Variants in GABRB1 observed in about 807,000 individuals in gnomAD.
GABRB1 encodes gamma-aminobutyric acid type A receptor subunit beta1.
Under a neutral mutation model 51.6 loss-of-function variants are expected in GABRB1, and 17 were observed. That is an observed-to-expected ratio of 0.33 (90% CI 0.23 to 0.49). The LOEUF (loss-of-function observed/expected upper bound fraction) is 0.49, where lower values mean the gene tolerates loss of function less well. GABRB1 is among the 20% of genes least tolerant of loss of function. The probability of loss-of-function intolerance (pLI) is 0.99; values close to 1 mark genes in which losing one functional copy is unlikely to be tolerated. For missense variants in GABRB1, 410 were observed against 600.6 expected (o/e 0.68, Z 3.32); for synonymous variants, 247 against 218.9 (o/e 1.13, Z -1.14).
Position 47,205,370 on chromosome 4 carries a change from T to C in GABRB1, c.461+43901T>C, listed in dbSNP as rs535678620. On this transcript the variant is annotated intron_variant, in intron 4 of 8. Transcript: ENST00000295454. ...GATTAAGTCACATATTTAGATTTGG[T>C]TTATGTCAATTAATAAAATATGCTG... 5.3e-5 allele frequency among the ~76,000 whole-genome samples: 8 copies of C among 152,280 alleles called. No homozygotes were observed. The South Asian group carries it at 1.4e-3, about 28-fold the overall frequency.
intron 4 of GABRB1, among the ~76,000 whole-genome samples, chr4:47,252,049 A>T (rs1722009847): frequency 6.6e-6 from 1 of 151,388 alleles, no homozygotes; most frequent in Non-Finnish European, 1.5e-5. Context: ...TCAGCTGGAG[A>T]TATCCTTCTG....
At chr4:47,188,647 T>C (rs1309003876) in intron 4 of GABRB1, among the ~76,000 whole-genome samples, 3 of 151,976 alleles carry the variant, frequency 2.0e-5, no homozygotes, top group Non-Finnish European at 4.4e-5. Flanking sequence ...ATAAGTGACA[T>C]TGATGATGAG....
chr4:47,212,972 A>G (rs1720423118), intron 4 of GABRB1, among the ~76,000 whole-genome samples: 1 of 152,146 alleles, frequency 6.6e-6, no homozygotes, highest in Admixed American at 6.5e-5. Flanking sequence ...TGCTTCAGCC[A>G]TTTTGCTAAT....
chr4:47,042,528 T>C (rs1050267686), intron 3 of GABRB1, among the ~76,000 whole-genome samples: 2 of 149,744 alleles, frequency 1.3e-5, no homozygotes, highest in Non-Finnish European at 3.0e-5. Flanking sequence ...ATCACTACTT[T>C]TCATTTTCCA....
intron 4 of GABRB1, among the ~76,000 whole-genome samples, chr4:47,174,621 A>AT (rs67872250): frequency 2.3e-3 from 347 of 151,562 alleles, no homozygotes; most frequent in African/African-American, 7.7e-3. Flanking sequence ...GACTTAGATG[A>AT]TTTTTTTTTT....
chr4:47,177,221 G>C (rs986888365), intron 4 of GABRB1, among the ~76,000 whole-genome samples: 1 of 152,048 alleles, frequency 6.6e-6, no homozygotes, highest in African/African-American at 2.4e-5. Flanking sequence ...GTCTCTCTTA[G>C]ACCTTTTTAT....
chr4:47,252,640 T>G (rs1221774527), intron 4 of GABRB1, among the ~76,000 whole-genome samples: 1 of 151,196 alleles, frequency 6.6e-6, no homozygotes, highest in East Asian at 2.0e-4. Context: ...CCCAAGTAGC[T>G]GGGGTTACAG....
chr4:47,031,878 C>T (rs780532729), intron 1 of GABRB1, 36 bp from the exon 2 acceptor site: 1 of 1,584,380 alleles, frequency 6.3e-7, no homozygotes, highest in Admixed American at 1.7e-5. Flanking sequence ...ACAGTTTGTG[C>T]TCATTTTGAA....
chr4:47,297,534 T>C (rs896268915), intron 4 of GABRB1, among the ~76,000 whole-genome samples: 20 of 152,070 alleles, frequency 1.3e-4, no homozygotes, highest in African/African-American at 4.8e-4. Context: ...CCTCGACACA[T>C]ACACCCTCCC....
intron 5 of GABRB1, among the ~76,000 whole-genome samples, chr4:47,320,887 A>C (rs1171195909): frequency 6.6e-6 from 1 of 150,500 alleles, no homozygotes; most frequent in African/African-American, 2.5e-5. Context: ...CTCCTGCCTC[A>C]GCCTCCAGAC....
chr4:47,080,383 C>G (rs1370510343), intron 3 of GABRB1, among the ~76,000 whole-genome samples: 1 of 151,488 alleles, frequency 6.6e-6, no homozygotes, highest in South Asian at 2.1e-4. Flanking sequence ...TTTCCTTTTC[C>G]TTGTGCATGA....
intron 4 of GABRB1, among the ~76,000 whole-genome samples, chr4:47,298,395 G>A (rs543601125): frequency 1.5e-3 from 234 of 152,246 alleles, no homozygotes; most frequent in Non-Finnish European, 2.4e-3. Context: ...CAAAGTCTCA[G>A]GATACAAAAT....
intron 3 of GABRB1, among the ~76,000 whole-genome samples, chr4:47,034,963 T>C (rs1332076498): frequency 2.0e-5 from 3 of 152,144 alleles, no homozygotes. Flanking sequence ...TAGAAAATTT[T>C]CATCTACATT....
intron 8 of GABRB1, among the ~76,000 whole-genome samples, chr4:47,424,083 G>C (rs375951456): frequency 6.6e-6 from 1 of 152,292 alleles, no homozygotes; most frequent in African/African-American, 2.4e-5. Flanking sequence ...AAAAAGGAGA[G>C]AGAGATGACA....
chr4:47,264,808 A>G (rs752678228), intron 4 of GABRB1, among the ~76,000 whole-genome samples: 4 of 152,106 alleles, frequency 2.6e-5, no homozygotes, highest in Non-Finnish European at 5.9e-5. Context: ...TCTGCAATCA[A>G]TCTTTCTCTT....
chr4:47,003,694 G>T (rs1724297358), intron 1 of GABRB1, among the ~76,000 whole-genome samples: 1 of 152,158 alleles, frequency 6.6e-6, no homozygotes, highest in African/African-American at 2.4e-5. Flanking sequence ...TCAGAGAGAC[G>T]ACATGATTTT....
chr4:47,102,928 G>A (rs1327753578), intron 3 of GABRB1, among the ~76,000 whole-genome samples: 1 of 151,962 alleles, frequency 6.6e-6, no homozygotes, highest in Non-Finnish European at 1.5e-5. Context: ...AATATAAAAT[G>A]GGGGTAGAAT....
intron 5 of GABRB1, among the ~76,000 whole-genome samples, chr4:47,376,006 T>C (rs960210270): frequency 9.2e-5 from 14 of 152,190 alleles, no homozygotes; most frequent in African/African-American, 3.4e-4. Flanking sequence ...CATTTGAAGA[T>C]AACAGGTAGA....
At chr4:47,142,977 T>C (rs916952308) in intron 3 of GABRB1, among the ~76,000 whole-genome samples, 9 of 151,930 alleles carry the variant, frequency 5.9e-5, no homozygotes, top group African/African-American at 1.9e-4. Flanking sequence ...CTAGTCCTCA[T>C]GAAAAGGATG....
Sources: gnomAD v4.1 joint callset for allele counts (sites outside exome capture counted in the v4.1 genomes callset) on GRCh38, gnomAD v4.1.1 for gene constraint, MANE v1.5 for transcripts, NCBI Gene and HGNC (gene_info 2026-07-23, HGNC 2026-07-21) for gene names.